Variants in DNAH8 observed in about 807,000 individuals in gnomAD.
DNAH8 encodes the protein axonemal beta dynein heavy chain 8.
Under a neutral mutation model 562.1 loss-of-function variants are expected in DNAH8, and 382 were observed. The ratio of observed to expected loss-of-function variants is 0.68; its 90% CI spans 0.63 to 0.74. The LOEUF (loss-of-function observed/expected upper bound fraction) is 0.74, where lower values mean the gene tolerates loss of function less well. Ranked by LOEUF, DNAH8 falls within the 30% of genes least tolerant of loss-of-function variation. DNAH8 has a pLI of 0.00. For synonymous variants in DNAH8, 1,881 were observed against 1,919.4 expected, an observed-to-expected ratio of 0.98 and a Z score of 0.52; for missense variants, 5,203 against 5,620.4, an observed-to-expected ratio of 0.93 and a Z score of 2.37.
At chr6:39,024,644 T>C (rs1036689554) in intron 91 of DNAH8, among the ~76,000 whole-genome samples, 3 of 152,046 alleles carry the variant, frequency 2.0e-5, no homozygotes, top group African/African-American at 7.2e-5. Context: ...CTGAGTAACA[T>C]AGCAAGACCC....
chr6:38,730,092 G>T, intron 4 of DNAH8, 106 bp downstream of exon 4: 1 of 596,282 alleles, frequency 1.7e-6, no homozygotes. Context: ...TAAAGAAAAT[G>T]TTACCAGAAG....
intron 82 of DNAH8, among the ~76,000 whole-genome samples, chr6:38,971,095 A>G (rs1763308641): frequency 6.6e-6 from 1 of 152,216 alleles, no homozygotes; most frequent in Admixed American, 6.5e-5. Flanking sequence ...ATGATCAAAC[A>G]TACAAAGAAA....
At chr6:38,894,495 TC>T (rs939136567) in intron 58 of DNAH8, among the ~76,000 whole-genome samples, 2 of 152,222 alleles carry the variant, frequency 1.3e-5, no homozygotes, top group Non-Finnish European at 2.9e-5. Flanking sequence ...ATCCATCCTA[TC>T]CAAGAGATTA....
chr6:38,959,240 C>T (rs182155509), intron 82 of DNAH8, among the ~76,000 whole-genome samples: 8 of 152,270 alleles, frequency 5.3e-5, no homozygotes, highest in Admixed American at 2.0e-4. Context: ...CCTACTTTCA[C>T]CACTTCTGTT....
At chr6:38,766,135 T>TTGTGTGTGTGTGTGTGTGTGTGTGTGTG (rs774448668) in intron 11 of DNAH8, among the ~76,000 whole-genome samples, 3 of 128,914 alleles carry the variant, frequency 2.3e-5, no homozygotes, top group Non-Finnish European at 4.7e-5. Flanking sequence ...ATGTATGTGT[T>TTGTGTGTGTGTGTGTGTGTGTGTGTGTG]TGTATGTGTG....
At chr6:38,933,720 A>G (rs1192990393) in intron 76 of DNAH8, among the ~76,000 whole-genome samples, 1 of 152,190 alleles carries the variant, frequency 6.6e-6, no homozygotes, top group Non-Finnish European at 1.5e-5. Context: ...GCCACCCTGT[A>G]AGTACAATGG....
chr6:39,012,703 A>G, intron 91 of DNAH8, 66 bp downstream of exon 91: 1 of 1,233,412 alleles, frequency 8.1e-7, no homozygotes, highest in Non-Finnish European at 1.2e-6. Flanking sequence ...GCATCGTGTG[A>G]TAAATATATA....
chr6:39,004,662 A>G (rs9380822), intron 88 of DNAH8, among the ~76,000 whole-genome samples: 100,426 of 152,094 alleles, frequency 0.66, 33,816 homozygotes, highest in Middle Eastern at 0.79. Context: ...CATCACTCTA[A>G]AAAGAAATGT....
At chr6:38,846,766 G>A (rs1274271377) in intron 36 of DNAH8, among the ~76,000 whole-genome samples, 1 of 152,136 alleles carries the variant, frequency 6.6e-6, no homozygotes, top group Admixed American at 6.5e-5. Context: ...TTGATGAAGG[G>A]CTGTAGATTC....
In DNAH8 at chr6:38,908,038, A is replaced by G; in HGVS notation, c.9431A>G (p.His3144Arg). The change falls in exon 64 of 93, where the codon CAT (histidine) becomes CGT (arginine). Residue 3144 changes from histidine (H) to arginine (R), a missense_variant. Physicochemically the swap from His to Arg is conservative, Grantham distance 29 (BLOSUM62 0). Transcript: ENST00000327475. ...ISVMKRELPR[H>R]PPTFDNLYEY... ...GTGATGAAGAGGGAGCTACCTCGCC[A>G]TCCTCCTACCTTTGATAATTTGTAT... The G allele has an allele frequency of 6.2e-7, 1 of 1,612,754 alleles. No homozygotes were observed. The highest frequency in any genetic ancestry group is 8.5e-7 in the Non-Finnish European group (1 of 1,179,306).
At chr6:38,895,055 C>T (rs538930870) in intron 59 of DNAH8, among the ~76,000 whole-genome samples, 191 bp downstream of exon 59, 23 of 152,170 alleles carry the variant, frequency 1.5e-4, no homozygotes, top group Middle Eastern at 3.4e-3. Context: ...CAGCCTCCCC[C>T]GTAGCTGGGA....
In DNAH8 at chr6:38,967,929, A is replaced by G. The variant is rs1259021837; in HGVS notation, c.12452-3663A>G. The stretch of plus-strand genomic sequence containing the variant: ...GTGTGATATGGGCATAAAGATATAT[A>G]TCATTGCAAAGAATATATATCTCAA... On this transcript the variant is annotated intron_variant, in intron 82 of 92. Transcript: ENST00000327475. Among the ~76,000 whole-genome samples the G allele has an allele frequency of 2.0e-5, 3 of 152,204 alleles. No individual in the cohort carries two copies. In the East Asian group the frequency reaches 5.8e-4, roughly 29 times the overall value.
At position 38,896,119 on chromosome 6, in the gene DNAH8, G is replaced by C; in HGVS notation, c.8834G>C (p.Cys2945Ser). The C allele has an allele frequency of 6.2e-7, 1 of 1,614,072 alleles. No homozygotes were observed. Residue 2945 changes from cysteine (C) to serine (S), a missense_variant, in exon 60 of 93, where the codon TGT (cysteine) becomes TCT (serine). By Grantham distance (112) the Cys-to-Ser change is moderately radical (BLOSUM62 -1). Transcript: ENST00000327475. Reference protein sequence around the residue: ...EENIGSDAASCILPEPYFVDF... With the variant: ...EENIGSDAASSILPEPYFVDF... ...AATATTGGCTCTGATGCAGCGTCGT[G>C]TATTCTTCCTGAACCATACTTTGTG...
intron 18 of DNAH8, among the ~76,000 whole-genome samples, chr6:38,787,538 T>TA (rs1340237136): frequency 2.6e-5 from 4 of 151,550 alleles, no homozygotes; most frequent in Non-Finnish European, 2.9e-5. Context: ...CCAGTCTGGC[T>TA]AACATGACGA....
chr6:38,813,520 G>A (rs759792695), intron 24 of DNAH8, among the ~76,000 whole-genome samples: 1 of 152,110 alleles, frequency 6.6e-6, no homozygotes, highest in Non-Finnish European at 1.5e-5. Context: ...ATTTTGCCTG[G>A]GATAGGGGTG....
chr6:38,954,659 C>T (rs1365159390), intron 82 of DNAH8, among the ~76,000 whole-genome samples: 23 of 1,284 alleles, frequency 0.018, 11 homozygotes, highest in Admixed American at 0.13. Context: ...GTCGAGATCG[C>T]GCCACTGCAC....
chr6:38,724,678 G>A lies in DNAH8; in HGVS notation c.525+1207G>A, dbSNP rs1212142575. 2.6e-5 allele frequency among the ~76,000 whole-genome samples: 4 copies of A among 152,298 alleles called. No individual in the cohort carries two copies. In the East Asian group the frequency reaches 7.7e-4, roughly 29 times the overall value. ...AATTGATGCGGTCACCCTAATTATA[G>A]TAATGTATGATACACTTGTGTCATA... On this transcript the variant is annotated intron_variant, in intron 3 of 92. Coordinates refer to ENST00000327475, the MANE Select transcript of DNAH8 (RefSeq NM_001206927.2).
chr6:38,917,022 A>G (rs188170188), intron 68 of DNAH8, among the ~76,000 whole-genome samples: 17 of 152,338 alleles, frequency 1.1e-4, no homozygotes, highest in Admixed American at 6.5e-4. Context: ...GTGATATTTT[A>G]AACCAATTCG....
intron 32 of DNAH8, among the ~76,000 whole-genome samples, chr6:38,836,255 G>T (rs1774278401): frequency 6.6e-6 from 1 of 152,124 alleles, no homozygotes; most frequent in South Asian, 2.1e-4. Flanking sequence ...CAGCAACTGG[G>T]ACATTATGTG....
Sources: allele counts gnomAD v4.1 joint callset (sites outside exome capture counted in the v4.1 genomes callset), GRCh38; gene constraint gnomAD v4.1.1; transcripts MANE v1.5; gene names NCBI Gene and HGNC (gene_info 2026-07-23, HGNC 2026-07-21).